The following SFMBT1 variants were observed in gnomAD, a reference collection of about 807,000 sequenced individuals.
The protein encoded by SFMBT1 is scm-like with four MBT domains protein 1.
In SFMBT1, 32 loss-of-function variants were observed where a neutral mutation model predicts 108.7. That is an observed-to-expected ratio of 0.29 (90% confidence interval 0.22 to 0.40). The LOEUF is 0.40. Among genes scored for constraint, SFMBT1 ranks in the 10% least tolerant of loss-of-function variants. SFMBT1 has a pLI of 1.00. For synonymous variants in SFMBT1, 348 were observed against 369.5 expected, an observed-to-expected ratio of 0.94 and a Z score of 0.67; for missense variants, 816 against 1,059.6, an observed-to-expected ratio of 0.77 and a Z score of 3.19.
chr3:52,916,041 C>A, intron 14 of SFMBT1, 109 bp downstream of exon 14: 1 of 853,820 alleles, frequency 1.2e-6, no homozygotes, highest in Non-Finnish European at 1.9e-6. Flanking sequence ...AGAGACCCCT[C>A]TATGAAGACA....
rs559786924 is a variant in SFMBT1, at chr3:53,025,990, T to C, written c.-131+19826A>G. On this transcript the variant is annotated intron_variant, in intron 1 of 20. Coordinates refer to ENST00000394752, the MANE Select transcript of SFMBT1 (RefSeq NM_016329.4). ...GTTGGGCTGTGTTTTGAAGAGCTAA[T>C]ATTGCGTGCAAATGGATGGGTTAAG... Among the ~76,000 whole-genome samples, 10 of 152,354 alleles carry C rather than the reference T, an allele frequency of 6.6e-5. No individual in the cohort carries two copies. In the East Asian group the frequency reaches 1.3e-3, roughly 21 times the overall value.
rs1317170766 is a variant in SFMBT1, at chr3:52,916,218, G to A, written c.1416-4C>T. On this transcript the variant is annotated splice_region_variant and splice_polypyrimidine_tract_variant and intron_variant, in intron 13 of 20. Transcript: ENST00000394752. ...GACAGTCCTCGAGGATGGTACTCTG[G>A]GTCAAGAAAACACAGTAAAATAGTG... 1 of 1,613,168 alleles carries A rather than the reference G, an allele frequency of 6.2e-7. No homozygotes were observed.
At chr3:53,012,684 G>A (rs1444495217) in intron 1 of SFMBT1, among the ~76,000 whole-genome samples, 2 of 151,538 alleles carry the variant, frequency 1.3e-5, no homozygotes, top group Non-Finnish European at 2.9e-5. Flanking sequence ...TTACAGGCGT[G>A]AGCCACCGCG....
At chr3:53,011,546 T>C (rs953205663) in intron 1 of SFMBT1, among the ~76,000 whole-genome samples, 11 of 152,138 alleles carry the variant, frequency 7.2e-5, no homozygotes, top group Non-Finnish European at 8.8e-5. Context: ...CAGGAAGGTG[T>C]TGGACTAGCC....
At chr3:52,906,334 A>G in intron 19 of SFMBT1, 93 bp from the exon 20 acceptor site, 1 of 1,592,594 alleles carries the variant, frequency 6.3e-7, no homozygotes, top group Non-Finnish European at 8.6e-7. Flanking sequence ...CTTTCAAGAC[A>G]TGATTTAAAG....
chr3:52,944,332 G>C (rs1181191750), intron 3 of SFMBT1, among the ~76,000 whole-genome samples: 1 of 152,164 alleles, frequency 6.6e-6, no homozygotes, highest in Non-Finnish European at 1.5e-5. Context: ...TGATGGATTG[G>C]TAGGCAGATA....
chr3:53,000,610 CAAAG>C (rs1222816868), intron 1 of SFMBT1, among the ~76,000 whole-genome samples: 3 of 149,504 alleles, frequency 2.0e-5, no homozygotes, highest in African/African-American at 2.4e-5. Flanking sequence ...ATATAAAAGA[CAAAG>C]AGAGAAAGCA....
At chr3:52,929,440 T>C (rs1174333261) in intron 8 of SFMBT1, among the ~76,000 whole-genome samples, 2 of 152,176 alleles carry the variant, frequency 1.3e-5, no homozygotes, top group Admixed American at 6.5e-5. Context: ...GGTTTCTCCA[T>C]GTTGGTCAGG....
At chr3:53,006,628 C>CAAAAAA (rs145854514) in intron 1 of SFMBT1, among the ~76,000 whole-genome samples, 6 of 126,316 alleles carry the variant, frequency 4.7e-5, no homozygotes, top group African/African-American at 2.0e-4. Context: ...AACTCCGTCT[C>CAAAAAA]AAAAAAAAAA....
intron 4 of SFMBT1, among the ~76,000 whole-genome samples, chr3:52,939,593 A>G (rs533678211): frequency 2.0e-5 from 3 of 152,094 alleles, no homozygotes; most frequent in African/African-American, 7.2e-5. Context: ...AAATAAATAA[A>G]TGTTTACCTA....
At chr3:52,944,293 G>A (rs1220945308) in intron 3 of SFMBT1, among the ~76,000 whole-genome samples, 2 of 152,168 alleles carry the variant, frequency 1.3e-5, no homozygotes, top group Non-Finnish European at 2.9e-5. Flanking sequence ...TGTTGGACTG[G>A]AATCAGATGC....
At chr3:52,913,948 G>T (rs1702275895) in intron 14 of SFMBT1, among the ~76,000 whole-genome samples, 1 of 152,158 alleles carries the variant, frequency 6.6e-6, no homozygotes, top group Non-Finnish European at 1.5e-5. Flanking sequence ...GATGATCAAT[G>T]ATTTCTTTTC....
chr3:53,035,988 G>C (rs1699858151), intron 1 of SFMBT1, among the ~76,000 whole-genome samples: 1 of 152,182 alleles, frequency 6.6e-6, no homozygotes, highest in Non-Finnish European at 1.5e-5. Flanking sequence ...CACTTTCCAA[G>C]GTGTCTTTCC....
chr3:52,941,778 G>C (rs1204985378), intron 4 of SFMBT1, among the ~76,000 whole-genome samples: 3 of 151,782 alleles, frequency 2.0e-5, no homozygotes, highest in Non-Finnish European at 4.4e-5. Flanking sequence ...CACACCTGTA[G>C]ACCCAGCTAC....
chr3:52,966,301 G>A (rs1463667374), intron 2 of SFMBT1, among the ~76,000 whole-genome samples: 2 of 133,150 alleles, frequency 1.5e-5, no homozygotes, highest in Admixed American at 1.6e-4. Context: ...CAGCCTGGGC[G>A]ACAGAGCAAG....
chr3:53,004,439 A>G lies in SFMBT1; in HGVS notation c.-130-35181T>C, dbSNP rs146436539. Reference sequence around the variant, plus strand: ...AGGCATGTGCTACCATGCCCAGTTAATTTTTGAATTTTTAGTAGAGAAGGG... The same window carrying G: ...AGGCATGTGCTACCATGCCCAGTTAGTTTTTGAATTTTTAGTAGAGAAGGG... On this transcript the variant is annotated intron_variant, in intron 1 of 20. Transcript: ENST00000394752. 9.8e-4 allele frequency among the ~76,000 whole-genome samples: 146 copies of G among 149,580 alleles called. 4 individuals carry two copies. Among genetic ancestry groups the G allele is most frequent in the African/African-American group, 3.2e-3 (134 of 41,304 alleles).
intron 1 of SFMBT1, among the ~76,000 whole-genome samples, chr3:53,009,175 G>A (rs114096370): frequency 0.033 from 4,980 of 152,006 alleles, 259 homozygotes; most frequent in African/African-American, 0.11. Flanking sequence ...GGCTGGGCAC[G>A]GTGGCTTATG....
chr3:53,016,031 A>T (rs1226123470), intron 1 of SFMBT1, among the ~76,000 whole-genome samples: 1 of 152,174 alleles, frequency 6.6e-6, no homozygotes, highest in Non-Finnish European at 1.5e-5. Context: ...CAAGAACAGT[A>T]TACTATGGTT....
Position 52,930,993 on chromosome 3 carries a change from A to G in SFMBT1, c.743T>C (p.Leu248Ser). 6.2e-7 allele frequency: 1 copy of G among 1,614,020 alleles called. No individual in the cohort carries two copies. Among genetic ancestry groups the G allele is most frequent in the Non-Finnish European group, 8.5e-7 (1 of 1,179,922 alleles). Residue 248 changes from leucine to serine, a missense_variant, in exon 7 of 21, where the codon TTG becomes TCG. Leu to Ser is a moderately radical substitution (Grantham distance 145). This residue lies in a region of SFMBT1 where 495 missense variants were observed against 607.4 expected (regional missense o/e 0.81). Coordinates refer to ENST00000394752, the MANE Select transcript of SFMBT1 (RefSeq NM_016329.4). Reference sequence around the variant, plus strand: ...TTCCTCTTCCTCTTTCACTTTGGCCAAAATCTCTTGCCACTCAGCTTCATT... The same window carrying G: ...TTCCTCTTCCTCTTTCACTTTGGCCGAAATCTCTTGCCACTCAGCTTCATT... ...LKNEAEWQEI[L>S]AKVKEEEEEP... is the part of the protein sequence containing the mutation.
Sources: allele counts gnomAD v4.1 joint callset (sites outside exome capture counted in the v4.1 genomes callset), GRCh38; gene constraint gnomAD v4.1.1; regional missense constraint gnomAD v4.1.1; transcripts MANE v1.5; gene names NCBI Gene and HGNC (gene_info 2026-07-23, HGNC 2026-07-21).